FOXO1: variants seen among roughly 807,000 people sequenced by gnomAD.
FOXO1 encodes forkhead box protein O1.
A neutral mutation model predicts 44.1 loss-of-function variants in FOXO1; 6 were observed. That is an observed-to-expected ratio of 0.14 (90% CI 0.07 to 0.27). FOXO1 has a LOEUF of 0.27. Among genes scored for constraint, FOXO1 ranks in the 10% least tolerant of loss-of-function variants. The pLI, the probability that FOXO1 is intolerant of heterozygous loss-of-function variation, is 1.00. For missense variants in FOXO1, 737 were observed against 888.8 expected, an observed-to-expected ratio of 0.83 and a Z score of 2.17; for synonymous variants, 380 against 362.7, an observed-to-expected ratio of 1.05 and a Z score of -0.54.
chr13:40,638,992 G>A (rs1338108252), intron 1 of FOXO1, among the ~76,000 whole-genome samples: 5 of 152,096 alleles, frequency 3.3e-5, no homozygotes, highest in South Asian at 2.1e-4. Context: ...TCAGGAGTTC[G>A]AGACCAGCCT....
At chr13:40,617,448 A>C (rs1368745468) in intron 1 of FOXO1, among the ~76,000 whole-genome samples, 1 of 152,112 alleles carries the variant, frequency 6.6e-6, no homozygotes, top group African/African-American at 2.4e-5. Flanking sequence ...AAAAAAAAAA[A>C]AGAAAGGTGA....
At position 40,666,370 on chromosome 13, in the gene FOXO1, G is replaced by C; in HGVS notation, c.-158C>G. On this transcript the variant is annotated 5_prime_UTR_variant, in exon 1 of 3. Transcript: ENST00000379561. ...GAAACTGGGAGGAAGGCGCGGCGGA[G>C]TGGAAGCGCGAGCCCAGAACTTAAC... 1.9e-6 allele frequency: 1 copy of C among 534,750 alleles called. No homozygotes were observed. The highest frequency in any genetic ancestry group is 2.0e-5 in the African/African-American group (1 of 50,322). 33.1% of individuals were successfully genotyped at this position (534,750 alleles called of 1,614,324 possible).
At chr13:40,561,890 C>G (rs1041169795) in intron 1 of FOXO1, among the ~76,000 whole-genome samples, 1 of 138,026 alleles carries the variant, frequency 7.2e-6, no homozygotes, top group African/African-American at 2.7e-5. Context: ...AAGGAGACTG[C>G]GGTGAGCTGA....
chr13:40,622,989 T>C (rs954117264), intron 1 of FOXO1, among the ~76,000 whole-genome samples: 1 of 152,224 alleles, frequency 6.6e-6, no homozygotes, highest in Non-Finnish European at 1.5e-5. Flanking sequence ...ACTGCAAGTC[T>C]GCTATGGCAA....
At chr13:40,622,893 AAC>A (rs1876662503) in intron 1 of FOXO1, among the ~76,000 whole-genome samples, 1 of 152,202 alleles carries the variant, frequency 6.6e-6, no homozygotes, top group South Asian at 2.1e-4. Context: ...GTAAGTAAGA[AAC>A]AACTCCAGAC....
intron 1 of FOXO1, among the ~76,000 whole-genome samples, chr13:40,632,237 C>T (rs1876990373): frequency 6.6e-6 from 1 of 152,232 alleles, no homozygotes; most frequent in Non-Finnish European, 1.5e-5. Flanking sequence ...CGCCACTGCA[C>T]TCCAGCCTGG....
chr13:40,569,011 T>C (rs2755212), intron 1 of FOXO1, among the ~76,000 whole-genome samples: 5,013 of 152,244 alleles, frequency 0.033, 189 homozygotes, highest in African/African-American at 0.084. Flanking sequence ...CATGCAATAT[T>C]CCTCCCCTAG....
chr13:40,661,281 CTT>C (rs879558738), intron 1 of FOXO1, among the ~76,000 whole-genome samples: 1 of 146,350 alleles, frequency 6.8e-6, no homozygotes. Flanking sequence ...AGGCTTTCTT[CTT>C]TTTTTTTTTG....
intron 1 of FOXO1, among the ~76,000 whole-genome samples, chr13:40,622,535 G>A (rs1166949328): frequency 6.6e-6 from 1 of 152,074 alleles, no homozygotes; most frequent in Non-Finnish European, 1.5e-5. Context: ...ATAGCTCACT[G>A]AAGGAGTTTC....
Position 40,661,086 on chromosome 13 carries a change from T to C in FOXO1, c.630+4497A>G, listed in dbSNP as rs560459875. Reference sequence around the variant, plus strand: ...GCGTAAAAAGTAAAGCTCTTGGGAGTCTGAAATGAAGTATTCCAATTTGGC... The same window carrying C: ...GCGTAAAAAGTAAAGCTCTTGGGAGCCTGAAATGAAGTATTCCAATTTGGC... On this transcript the variant is annotated intron_variant, in intron 1 of 2. Coordinates refer to ENST00000379561, the MANE Select transcript of FOXO1 (RefSeq NM_002015.4). Among the ~76,000 whole-genome samples the C allele has an allele frequency of 2.6e-5, 4 of 152,226 alleles. No individual in the cohort carries two copies. In the South Asian group the frequency reaches 8.3e-4, roughly 32 times the overall value.
intron 1 of FOXO1, among the ~76,000 whole-genome samples, chr13:40,605,766 G>GA (rs1429680870): frequency 6.6e-6 from 1 of 152,120 alleles, no homozygotes; most frequent in Non-Finnish European, 1.5e-5. Flanking sequence ...CAGTACGTAT[G>GA]AATCAGTAGC....
intron 1 of FOXO1, among the ~76,000 whole-genome samples, chr13:40,643,327 G>A (rs976567643): frequency 1.4e-4 from 20 of 147,026 alleles, no homozygotes; most frequent in African/African-American, 5.0e-4. Context: ...GGGTGACAAA[G>A]TGAGACTCCG....
chr13:40,638,965 G>A (rs1045145824), intron 1 of FOXO1, among the ~76,000 whole-genome samples: 165 of 152,248 alleles, frequency 1.1e-3, no homozygotes, highest in African/African-American at 3.9e-3. Flanking sequence ...AGGCCAATGC[G>A]GGTGGATCAC....
intron 1 of FOXO1, among the ~76,000 whole-genome samples, chr13:40,564,972 T>G (rs1257570976): frequency 6.6e-6 from 1 of 152,086 alleles, no homozygotes; most frequent in Non-Finnish European, 1.5e-5. Context: ...CATGGTGTAG[T>G]CGGGGAACCC....
chr13:40,571,235 A>G (rs1445227957), intron 1 of FOXO1, among the ~76,000 whole-genome samples: 13 of 142,306 alleles, frequency 9.1e-5, no homozygotes, highest in African/African-American at 1.3e-4. Context: ...GGTGGGGGGA[A>G]GGGGGAGGGA....
At chr13:40,604,462 C>A (rs184673504) in intron 1 of FOXO1, among the ~76,000 whole-genome samples, 5 of 151,616 alleles carry the variant, frequency 3.3e-5, no homozygotes, top group Admixed American at 2.6e-4. Context: ...GTTTATCTTC[C>A]CATGTGCTAT....
intron 1 of FOXO1, among the ~76,000 whole-genome samples, chr13:40,663,523 G>C (rs1294680718): frequency 6.6e-6 from 1 of 152,136 alleles, no homozygotes; most frequent in African/African-American, 2.4e-5. Context: ...AAAAAGGGGG[G>C]AGGATTTTTT....
intron 1 of FOXO1, among the ~76,000 whole-genome samples, chr13:40,628,374 C>T (rs1198290456): frequency 6.6e-6 from 1 of 151,774 alleles, no homozygotes; most frequent in Non-Finnish European, 1.5e-5. Context: ...CACACACACA[C>T]ACACACACAC....
chr13:40,613,920 G>C (rs1358460549), intron 1 of FOXO1, among the ~76,000 whole-genome samples: 1 of 152,156 alleles, frequency 6.6e-6, no homozygotes, highest in Non-Finnish European at 1.5e-5. Context: ...ACAGACAGAA[G>C]AAAGTAAATC....
Sources: allele counts gnomAD v4.1 joint callset (sites outside exome capture counted in the v4.1 genomes callset), GRCh38; gene constraint gnomAD v4.1.1; transcripts MANE v1.5; gene names NCBI Gene and HGNC (gene_info 2026-07-23, HGNC 2026-07-21).